The following FER variants were observed in gnomAD, a reference collection of about 807,000 sequenced individuals.
The protein encoded by FER is FER tyrosine kinase.
A neutral mutation model predicts 111.0 loss-of-function variants in FER; 63 were observed. The ratio of observed to expected loss-of-function variants is 0.57; its 90% CI spans 0.46 to 0.70. The LOEUF (loss-of-function observed/expected upper bound fraction) is 0.70. Among genes scored for constraint, FER ranks in the 30% least tolerant of loss-of-function variants. The probability of loss-of-function intolerance (pLI) is 0.00; values close to 1 mark genes in which losing one functional copy is unlikely to be tolerated. For synonymous variants in FER, 327 were observed against 313.9 expected (o/e 1.04, Z -0.44); for missense variants, 914 against 954.0 (o/e 0.96, Z 0.55).
chr5:108,991,766 C>T (rs1763205477), intron 13 of FER, among the ~76,000 whole-genome samples: 1 of 151,934 alleles, frequency 6.6e-6, no homozygotes, highest in Non-Finnish European at 1.5e-5. Flanking sequence ...CACTTTAAAG[C>T]TCTCAAGATA....
chr5:108,813,283 G>GT (rs548603426), intron 3 of FER, among the ~76,000 whole-genome samples: 82 of 152,074 alleles, frequency 5.4e-4, no homozygotes, highest in African/African-American at 1.5e-3. Context: ...TGTGCCTAAT[G>GT]TTTTTTTCCT....
chr5:109,101,292 C>G (rs1053346002), intron 17 of FER, among the ~76,000 whole-genome samples: 2 of 152,104 alleles, frequency 1.3e-5, no homozygotes, highest in Admixed American at 1.3e-4. Context: ...GTGCATAATA[C>G]TGTTTAATGT....
chr5:108,778,359 G>A (rs1333035520), intron 2 of FER, among the ~76,000 whole-genome samples: 1 of 152,160 alleles, frequency 6.6e-6, no homozygotes, highest in Non-Finnish European at 1.5e-5. Flanking sequence ...TAATATGATT[G>A]CATTTTGTAT....
At chr5:108,769,570 G>A (rs1305471587) in intron 2 of FER, among the ~76,000 whole-genome samples, 2 of 152,192 alleles carry the variant, frequency 1.3e-5, no homozygotes, top group Non-Finnish European at 2.9e-5. Context: ...GAGCTGAGGT[G>A]AGATAGTGAT....
chr5:109,008,698 A>G (rs923770744), intron 13 of FER, among the ~76,000 whole-genome samples: 1 of 152,116 alleles, frequency 6.6e-6, no homozygotes, highest in Admixed American at 6.5e-5. Context: ...CAATAATAGC[A>G]GGCCGGGCAC....
chr5:109,144,667 T>C (rs1431778635), intron 17 of FER, among the ~76,000 whole-genome samples: 2 of 152,240 alleles, frequency 1.3e-5, no homozygotes, highest in Non-Finnish European at 2.9e-5. Flanking sequence ...AAGGGCCTTT[T>C]CAGGACCTAG....
intron 16 of FER, among the ~76,000 whole-genome samples, chr5:109,059,506 G>T (rs569859090): frequency 6.6e-6 from 1 of 152,118 alleles, no homozygotes; most frequent in African/African-American, 2.4e-5. Context: ...CCAGCCTGGC[G>T]ACAGAGTGAG....
At chr5:108,799,471 A>G (rs955393450) in intron 3 of FER, among the ~76,000 whole-genome samples, 1 of 152,218 alleles carries the variant, frequency 6.6e-6, no homozygotes, top group Non-Finnish European at 1.5e-5. Context: ...GATTCTGTTA[A>G]GAACCCAGTA....
intron 13 of FER, among the ~76,000 whole-genome samples, chr5:109,005,537 C>T (rs1443866462): frequency 6.6e-6 from 1 of 152,034 alleles, no homozygotes; most frequent in Non-Finnish European, 1.5e-5. Flanking sequence ...GTGCATACTC[C>T]CAGACACATA....
intron 16 of FER, among the ~76,000 whole-genome samples, chr5:109,072,620 CTCTTTCCACA>C (rs1428184262): frequency 6.6e-6 from 1 of 151,946 alleles, no homozygotes; most frequent in Non-Finnish European, 1.5e-5. Flanking sequence ...AGCTATGTTT[CTCTTTCCACA>C]TCCAGCTATC....
intron 13 of FER, among the ~76,000 whole-genome samples, chr5:108,993,037 C>T (rs866832164): frequency 6.1e-4 from 92 of 150,566 alleles, no homozygotes; most frequent in African/African-American, 2.1e-3. Flanking sequence ...CGGGCAGAGA[C>T]GCTCCTCACT....
At chr5:108,803,776 T>G (rs1756919168) in intron 3 of FER, among the ~76,000 whole-genome samples, 2 of 152,182 alleles carry the variant, frequency 1.3e-5, no homozygotes, top group Admixed American at 1.3e-4. Context: ...ATCAAGCCAC[T>G]GGCTTTGTTC....
chr5:108,856,499 G>T (rs13358881), intron 5 of FER, among the ~76,000 whole-genome samples: 33,132 of 152,002 alleles, frequency 0.22, 3,780 homozygotes, highest in African/African-American at 0.27. Context: ...AGGAGTTGGA[G>T]GTTAGTATGT....
intron 16 of FER, among the ~76,000 whole-genome samples, chr5:109,057,481 A>C (rs1443578830): frequency 6.6e-6 from 1 of 152,028 alleles, no homozygotes; most frequent in Non-Finnish European, 1.5e-5. Context: ...GTTATGAATA[A>C]CTTTATACAA....
intron 18 of FER, among the ~76,000 whole-genome samples, chr5:109,183,291 C>T (rs887444664): frequency 3.1e-5 from 4 of 130,322 alleles, no homozygotes; most frequent in Non-Finnish European, 6.4e-5. Context: ...CTCTGTTGCC[C>T]AGGCTGGAGC....
At chr5:108,758,337 G>T (rs1751348067) in intron 1 of FER, among the ~76,000 whole-genome samples, 1 of 152,192 alleles carries the variant, frequency 6.6e-6, no homozygotes, top group Non-Finnish European at 1.5e-5. Context: ...AGTAATAGCT[G>T]TATGAATTTA....
At chr5:108,952,123 G>A (rs1332081217) in intron 11 of FER, among the ~76,000 whole-genome samples, 3 of 152,040 alleles carry the variant, frequency 2.0e-5, no homozygotes, top group Non-Finnish European at 4.4e-5. Flanking sequence ...TAACTGTACT[G>A]TATTAACTGA....
At chr5:108,778,259 T>C (rs1221873457) in intron 2 of FER, among the ~76,000 whole-genome samples, 3 of 152,218 alleles carry the variant, frequency 2.0e-5, no homozygotes, top group African/African-American at 7.2e-5. Context: ...GCTGTAAACA[T>C]TGATGTTCAA....
rs1019160464 is a variant in FER at position 109,195,852 on chromosome 5, A to G, written c.*8277A>G. On this transcript the variant is annotated 3_prime_UTR_variant, in exon 20 of 20. Transcript: ENST00000281092. ...TTTACATAAATTTACATTTAAATGCATTAAGTTAGATGGCCCAATTGAGCA... is the reference window on the plus strand; with the variant it reads ...TTTACATAAATTTACATTTAAATGCGTTAAGTTAGATGGCCCAATTGAGCA... 2 of 152,208 alleles carry G rather than the reference A, an allele frequency of 1.3e-5. No individual in the cohort carries two copies. Among genetic ancestry groups the G allele is most frequent in the African/African-American group, 4.8e-5 (2 of 41,444 alleles). 9.4% of individuals were successfully genotyped at this position (152,208 alleles called of 1,614,324 possible).
Sources: gnomAD v4.1 joint callset for allele counts (sites outside exome capture counted in the v4.1 genomes callset) on GRCh38, gnomAD v4.1.1 for gene constraint, MANE v1.5 for transcripts, NCBI Gene and HGNC (gene_info 2026-07-23, HGNC 2026-07-21) for gene names.